Variants in TMPRSS15 observed in about 807,000 individuals in gnomAD.
TMPRSS15 encodes the protein transmembrane serine protease 15, also known as enteropeptidase.
A neutral mutation model predicts 125.3 loss-of-function variants in TMPRSS15; 128 were observed. That is an observed-to-expected ratio of 1.02 (90% confidence interval 0.89 to 1.18). The LOEUF is 1.18. TMPRSS15 is among the 50% of genes most tolerant of loss of function. The pLI, the probability that TMPRSS15 is intolerant of heterozygous loss-of-function variation, is 0.00. For missense variants in TMPRSS15, 1,283 were observed against 1,212.7 expected, an observed-to-expected ratio of 1.06 and a Z score of -0.86; for synonymous variants, 446 against 423.2, an observed-to-expected ratio of 1.05 and a Z score of -0.66.
At chr21:18,374,479 C>CAAAAAAAA (rs1165884199) in intron 5 of TMPRSS15, among the ~76,000 whole-genome samples, 3 of 59,910 alleles carry the variant, frequency 5.0e-5, no homozygotes, top group Non-Finnish European at 8.3e-5. Context: ...GACTCCGTCT[C>CAAAAAAAA]AAAAAAAAAA....
At chr21:18,299,911 A>G (rs2074947266) in intron 18 of TMPRSS15, among the ~76,000 whole-genome samples, 1 of 152,178 alleles carries the variant, frequency 6.6e-6, no homozygotes, top group Non-Finnish European at 1.5e-5. Context: ...TGCCTGCTAC[A>G]GTCAGGAAAT....
At chr21:18,485,680 G>C (rs534993318) in intron 1 of TMPRSS15, 25 of 153,194 alleles carry the variant, frequency 1.6e-4, no homozygotes, top group Non-Finnish European at 3.1e-4. Context: ...CCTGAAACAA[G>C]CCATATTTTG....
chr21:18,464,552 A>G (rs2122954686), intron 1 of TMPRSS15, among the ~76,000 whole-genome samples: 1 of 152,282 alleles, frequency 6.6e-6, no homozygotes, highest in East Asian at 1.9e-4. Context: ...AATCAAATAA[A>G]CACAATAAAA....
intron 3 of TMPRSS15, among the ~76,000 whole-genome samples, chr21:18,386,598 C>A (rs1220276520): frequency 6.6e-6 from 1 of 152,034 alleles, no homozygotes; most frequent in African/African-American, 2.4e-5. Context: ...TCTTTTCCTC[C>A]TACTCCTTTT....
At chr21:18,458,551 G>A (rs995206855) in intron 1 of TMPRSS15, among the ~76,000 whole-genome samples, 1 of 152,120 alleles carries the variant, frequency 6.6e-6, no homozygotes, top group Admixed American at 6.5e-5. Flanking sequence ...CAAAGTGGTC[G>A]GACAAAGTGT....
At chr21:18,408,983 C>G (rs7276893) in intron 1 of TMPRSS15, among the ~76,000 whole-genome samples, 133,620 of 152,096 alleles carry the variant, frequency 0.88, 58,991 homozygotes, top group African/African-American at 0.97. Context: ...CATCAGTCAG[C>G]TTGTTTTAAA....
intron 21 of TMPRSS15, among the ~76,000 whole-genome samples, chr21:18,293,982 A>C (rs1397339174): frequency 1.3e-5 from 2 of 152,218 alleles, no homozygotes. Context: ...TTACCTTTTG[A>C]ATTGGCAAAA....
chr21:18,275,431 C>T (rs2074608408), intron 23 of TMPRSS15, 95 bp from the exon 24 acceptor site: 2 of 1,434,662 alleles, frequency 1.4e-6, no homozygotes, highest in South Asian at 2.3e-5. Flanking sequence ...CAACATTTCA[C>T]TCTCATTATC....
chr21:18,426,744 T>G (rs896293822), intron 1 of TMPRSS15, among the ~76,000 whole-genome samples: 1 of 152,202 alleles, frequency 6.6e-6, no homozygotes, highest in Non-Finnish European at 1.5e-5. Flanking sequence ...TTCAAAATTA[T>G]GCATTTTCAT....
intron 18 of TMPRSS15, among the ~76,000 whole-genome samples, chr21:18,305,183 C>CTTTTTTTTTTTTTTT (rs59103494): frequency 7.0e-5 from 6 of 86,054 alleles, no homozygotes; most frequent in African/African-American, 2.7e-4. Flanking sequence ...AATTTCCGTA[C>CTTTTTTTTTTTTTTT]TTTTTTTTTT....
intron 1 of TMPRSS15, among the ~76,000 whole-genome samples, chr21:18,463,690 T>A (rs1486340716): frequency 6.6e-6 from 1 of 152,042 alleles, no homozygotes; most frequent in East Asian, 1.9e-4. Context: ...ATCAACCACA[T>A]AATTGGAAGT....
intron 1 of TMPRSS15, among the ~76,000 whole-genome samples, chr21:18,441,045 C>A (rs1201702945): frequency 1.3e-5 from 2 of 152,216 alleles, no homozygotes; most frequent in East Asian, 3.9e-4. Context: ...GTAATCCCAG[C>A]ACTTTGGGAG....
chr21:18,393,349 AAAT>A (rs1308991758), intron 3 of TMPRSS15, among the ~76,000 whole-genome samples: 1 of 152,230 alleles, frequency 6.6e-6, no homozygotes, highest in Non-Finnish European at 1.5e-5. Context: ...CTAAAGTTAT[AAAT>A]AATAAACAAA....
At chr21:18,419,891 A>G (rs2076188573) in intron 1 of TMPRSS15, among the ~76,000 whole-genome samples, 1 of 152,172 alleles carries the variant, frequency 6.6e-6, no homozygotes, top group African/African-American at 2.4e-5. Flanking sequence ...CCCAGATACA[A>G]TTGTTCTGTC....
intron 16 of TMPRSS15, among the ~76,000 whole-genome samples, chr21:18,317,003 C>T (rs187714269): frequency 7.2e-4 from 109 of 152,050 alleles, no homozygotes; most frequent in Non-Finnish European, 1.3e-3. Flanking sequence ...TATGGGGAAG[C>T]AAAAGCACTT....
At chr21:18,476,505 A>G (rs1000745434) in intron 1 of TMPRSS15, among the ~76,000 whole-genome samples, 1 of 152,212 alleles carries the variant, frequency 6.6e-6, no homozygotes, top group African/African-American at 2.4e-5. Context: ...TAAAAAATAC[A>G]TGAAAACATT....
In TMPRSS15 at chr21:18,356,886, T is replaced by C. The variant is rs1020126064; in HGVS notation, c.880+2871A>G. Among the ~76,000 whole-genome samples the C allele has an allele frequency of 3.3e-5, 5 of 151,986 alleles. No homozygotes were observed. The South Asian group carries it at 6.2e-4, about 19-fold the overall frequency. The stretch of plus-strand genomic sequence containing the variant: ...GGCTATAGCTATGCACACTTCTGTG[T>C]GCCTCAGGATAAGCATGGCCTTACA... On this transcript the variant is annotated intron_variant, in intron 8 of 24. Transcript: ENST00000284885.
chr21:18,364,041 TCTC>T (rs1317721557), intron 7 of TMPRSS15, among the ~76,000 whole-genome samples: 2 of 152,062 alleles, frequency 1.3e-5, no homozygotes, highest in African/African-American at 2.4e-5. Context: ...TTTTCTCACA[TCTC>T]CTCTCTGGGA....
intron 1 of TMPRSS15, among the ~76,000 whole-genome samples, chr21:18,422,438 A>G (rs1433359464): frequency 6.6e-6 from 1 of 152,204 alleles, no homozygotes; most frequent in African/African-American, 2.4e-5. Flanking sequence ...ACAGATCCCA[A>G]AACATCACTT....
Sources: allele counts gnomAD v4.1 joint callset (sites outside exome capture counted in the v4.1 genomes callset), GRCh38; gene constraint gnomAD v4.1.1; transcripts MANE v1.5; gene names NCBI Gene and HGNC (gene_info 2026-07-23, HGNC 2026-07-21).